Variants in MAP2K2 observed in about 807,000 individuals in gnomAD.
MAP2K2 encodes mitogen-activated protein kinase kinase 2.
Under a neutral mutation model 43.7 loss-of-function variants are expected in MAP2K2, and 24 were observed. The observed-to-expected ratio is 0.55, with a 90% CI of 0.40 to 0.77. The LOEUF is 0.77. Ranked by LOEUF, MAP2K2 falls within the 30% of genes least tolerant of loss-of-function variation. The probability of loss-of-function intolerance (pLI) is 0.00; values close to 1 mark genes in which losing one functional copy is unlikely to be tolerated. For synonymous variants in MAP2K2, 244 were observed against 239.7 expected (o/e 1.02, Z -0.17); for missense variants, 470 against 566.8 (o/e 0.83, Z 1.73).
chr19:4,121,077 C>T (rs911567261), intron 1 of MAP2K2, among the ~76,000 whole-genome samples: 1 of 151,908 alleles, frequency 6.6e-6, no homozygotes, highest in African/African-American at 2.4e-5. Flanking sequence ...TGCCCTGCCT[C>T]GGCCTGCAGA....
In MAP2K2 at chr19:4,101,397, C is replaced by T; in HGVS notation, c.529-117G>A. ...GGAGCGAGGGAGCTGCGGCAGGAAC[C>T]ATTTCAGGCTGTGAGGAGCTCGCTG... On this transcript the variant is annotated intron_variant, in intron 4 of 10. Coordinates refer to ENST00000262948, the MANE Select transcript of MAP2K2 (RefSeq NM_030662.4). This position sits in a 1 kb window ranked among gnomAD's most constrained non-coding sequence, Gnocchi z 6.3. 8.5e-7 allele frequency: 1 copy of T among 1,179,604 alleles called. No homozygotes were observed. Among genetic ancestry groups the T allele is most frequent in the Non-Finnish European group, 1.2e-6 (1 of 810,406 alleles). The allele number at this position is 1,179,604 out of a possible 1,614,324, so 73.1% of individuals were successfully genotyped here. A position where few individuals can be genotyped will look rare whatever the true frequency, so the allele number is the denominator to read the frequency against.
intron 7 of MAP2K2, among the ~76,000 whole-genome samples, chr19:4,097,690 A>T (rs911306155): frequency 6.6e-6 from 1 of 152,154 alleles, no homozygotes; most frequent in African/African-American, 2.4e-5. Context: ...TGCTGACCGC[A>T]GGCAAGGACA....
At chr19:4,094,557 G>C in intron 9 of MAP2K2, 59 bp from the exon 10 acceptor site, 1 of 1,530,510 alleles carries the variant, frequency 6.5e-7, no homozygotes, top group Non-Finnish European at 8.9e-7. Context: ...AGGGCAGTCA[G>C]CTGGTGGCCC....
rs374728969 is a variant in MAP2K2 at position 4,090,584 on chromosome 19, G to A, written c.*14C>T. 39 of 1,546,168 alleles carry A rather than the reference G, an allele frequency of 2.5e-5. No homozygotes were observed. In the African/African-American group the frequency reaches 4.4e-4, roughly 17 times the overall value. On this transcript the variant is annotated 3_prime_UTR_variant, in exon 11 of 11. Coordinates refer to ENST00000262948, the MANE Select transcript of MAP2K2 (RefSeq NM_030662.4). ...GGGCAGGTCACCAGCGGGACGCAGG[G>A]AGCCCGGCCACTGTCACACGGCGGT...
chr19:4,101,920 C>A lies in MAP2K2; in HGVS notation c.528+456G>T, dbSNP rs906118971. ...ACACGCACGGTCTGCTGAAACCACA[C>A]GGCTCTACGGAGCAGCTGTGCTGGA... On this transcript the variant is annotated intron_variant, in intron 4 of 10. Transcript: ENST00000262948. The surrounding 1 kb of genome is among the most constrained non-coding windows in gnomAD (Gnocchi z 6.3). Among the ~76,000 whole-genome samples, 12 of 152,186 alleles carry A rather than the reference C, an allele frequency of 7.9e-5. No individual in the cohort carries two copies. Among genetic ancestry groups the A allele is most frequent in the African/African-American group, 2.4e-4 (10 of 41,446 alleles).
chr19:4,102,732 C>A, intron 3 of MAP2K2: 3 of 1,302,410 alleles, frequency 2.3e-6, no homozygotes, highest in Non-Finnish European at 3.0e-6. Context: ...CCTGAGGTCG[C>A]CACGGCAGAG....
chr19:4,120,828 C>G (rs987728921), intron 1 of MAP2K2, among the ~76,000 whole-genome samples: 3 of 152,140 alleles, frequency 2.0e-5, no homozygotes, highest in Non-Finnish European at 4.4e-5. Flanking sequence ...AAACCCCACA[C>G]GGAAGAGAAA....
intron 3 of MAP2K2, among the ~76,000 whole-genome samples, chr19:4,104,381 C>T (rs1332532293): frequency 6.7e-6 from 1 of 149,732 alleles, no homozygotes; most frequent in East Asian, 2.0e-4. Context: ...TCCCGAGCCA[C>T]ACAGTGAGAC....
In MAP2K2 at chr19:4,090,587, C is replaced by A; in HGVS notation, c.*11G>T. 6.5e-7 allele frequency: 1 copy of A among 1,547,152 alleles called. No homozygotes were observed. The highest frequency in any genetic ancestry group is 1.2e-5 in the South Asian group (1 of 84,004). Reference sequence around the variant, plus strand: ...CAGGTCACCAGCGGGACGCAGGGAGCCCGGCCACTGTCACACGGCGGTGCG... The same window carrying A: ...CAGGTCACCAGCGGGACGCAGGGAGACCGGCCACTGTCACACGGCGGTGCG... On this transcript the variant is annotated 3_prime_UTR_variant, in exon 11 of 11. Coordinates refer to ENST00000262948, the MANE Select transcript of MAP2K2 (RefSeq NM_030662.4).
In MAP2K2 at chr19:4,122,540, C is replaced by A. The variant is rs971444534; in HGVS notation, c.92+1244G>T. 3.0e-4 allele frequency among the ~76,000 whole-genome samples: 41 copies of A among 136,746 alleles called. 1 individual carries two copies. The highest frequency in any genetic ancestry group is 5.4e-4 in the Non-Finnish European group (34 of 62,714). The allele number at this position is 136,746 out of a possible 152,430, so 89.7% of individuals were successfully genotyped here. ...GAACACCCCTTGCCTATCCTTCCCC[C>A]ACAGGCCCCCACCGACACATCCTCT... On this transcript the variant is annotated intron_variant, in intron 1 of 10. Transcript: ENST00000262948.
chr19:4,102,315 G>A lies in MAP2K2; in HGVS notation c.528+61C>T, dbSNP rs576696995. On this transcript the variant is annotated intron_variant, in intron 4 of 10. Transcript: ENST00000262948. The stretch of plus-strand genomic sequence containing the variant: ...GTGAGTGGCTCCCGGAACCCTGGCC[G>A]TGTGGAAGAGGTCCGTGCAGAGTGC... The A allele has an allele frequency of 7.4e-5, 105 of 1,411,482 alleles. 1 individual carries two copies. The highest frequency in any genetic ancestry group is 4.7e-4 in the East Asian group (19 of 40,762). The allele number at this position is 1,411,482 out of a possible 1,614,324, so 87.4% of individuals were successfully genotyped here.
At chr19:4,107,523 CAAAA>C (rs71166959) in intron 3 of MAP2K2, among the ~76,000 whole-genome samples, 1 of 59,320 alleles carries the variant, frequency 1.7e-5, no homozygotes, top group Admixed American at 2.2e-4. Flanking sequence ...GACTCCGTCT[CAAAA>C]AAAAAAAAAA....
intron 1 of MAP2K2, among the ~76,000 whole-genome samples, chr19:4,123,027 C>T: frequency 6.8e-6 from 1 of 146,802 alleles, no homozygotes. Context: ...CCTCTCCTCT[C>T]AGGAATGCCC....
At chr19:4,097,188 CAGAG>C (rs1311306206) in intron 8 of MAP2K2, 87 bp downstream of exon 8, 8 of 936,650 alleles carry the variant, frequency 8.5e-6, no homozygotes, top group Non-Finnish European at 1.2e-5. Flanking sequence ...TTGCTCTGGT[CAGAG>C]AGAGACTCTG....
At chr19:4,102,757 C>T (rs1212428746) in intron 3 of MAP2K2, 3 of 1,289,976 alleles carry the variant, frequency 2.3e-6, no homozygotes, top group Non-Finnish European at 3.0e-6. Flanking sequence ...TGCTCCGGGC[C>T]AGCCCAAGCC....
At chr19:4,107,717 C>G (rs529612315) in intron 3 of MAP2K2, among the ~76,000 whole-genome samples, 1 of 151,434 alleles carries the variant, frequency 6.6e-6, no homozygotes. Flanking sequence ...CCCTACCCCC[C>G]ACAAAAAAAG....
At chr19:4,119,513 C>A (rs1259451455) in intron 1 of MAP2K2, among the ~76,000 whole-genome samples, 4 of 152,198 alleles carry the variant, frequency 2.6e-5, no homozygotes, top group African/African-American at 9.7e-5. Context: ...TAAGCCACTG[C>A]ACCTGGCTGA....
chr19:4,116,173 C>CT (rs2041218844), intron 2 of MAP2K2, among the ~76,000 whole-genome samples: 1 of 152,012 alleles, frequency 6.6e-6, no homozygotes, highest in Non-Finnish European at 1.5e-5. Context: ...TTGGCAGACT[C>CT]TGAGCAAAGC....
At chr19:4,108,522 A>G (rs574623837) in intron 3 of MAP2K2, among the ~76,000 whole-genome samples, 6 of 151,530 alleles carry the variant, frequency 4.0e-5, no homozygotes, top group African/African-American at 1.5e-4. Flanking sequence ...TGCTGGGATT[A>G]CAGGTGTGAG....
Sources: gnomAD v4.1 joint callset for allele counts (sites outside exome capture counted in the v4.1 genomes callset) on GRCh38, gnomAD v4.1.1 for gene constraint, Gnocchi (gnomAD v3.1) non-coding constraint, MANE v1.5 for transcripts, NCBI Gene and HGNC (gene_info 2026-07-23, HGNC 2026-07-21) for gene names.